Variants in CDC42BPB observed in about 807,000 individuals in gnomAD.
The protein encoded by CDC42BPB is serine/threonine-protein kinase MRCK beta.
In CDC42BPB, 37 loss-of-function variants were observed where a neutral mutation model predicts 214.9. The ratio of observed to expected loss-of-function variants is 0.17; its 90% confidence interval spans 0.13 to 0.23. The LOEUF is 0.23. Ranked by LOEUF, CDC42BPB falls within the 10% of genes least tolerant of loss-of-function variation. The pLI is 1.00. For missense variants in CDC42BPB, 1,694 were observed against 2,227.0 expected, an observed-to-expected ratio of 0.76 and a Z score of 4.82; for synonymous variants, 931 against 884.0, an observed-to-expected ratio of 1.05 and a Z score of -0.94.
At chr14:103,003,543 G>A (rs574005601) in intron 4 of CDC42BPB, among the ~76,000 whole-genome samples, 6 of 152,344 alleles carry the variant, frequency 3.9e-5, no homozygotes, top group Admixed American at 1.3e-4. Flanking sequence ...GCAGGCCCAC[G>A]AGAGGCACTC....
At chr14:102,962,433 G>A (rs376529289) in intron 20 of CDC42BPB, among the ~76,000 whole-genome samples, 12 of 152,236 alleles carry the variant, frequency 7.9e-5, no homozygotes, top group African/African-American at 1.9e-4. Context: ...CCACGGCAGC[G>A]CACAGTGCAG....
Position 102,980,959 on chromosome 14 carries a change from C to T in CDC42BPB, c.954G>A (p.Gln318=), listed in dbSNP as rs778365484. Residue 318 remains glutamine, a synonymous_variant, in exon 8 of 37, where the codon CAG becomes CAA. Transcript: ENST00000361246. ...GGCGTTCTCTACTGCAGATCAGTCT[C>T]TGGATGAGGTCCTTCGCTTCTTCAG... ...DVSEEAKDLI[Q]RLICSRERRL... The T allele has an allele frequency of 1.4e-5, 23 of 1,614,070 alleles. 2 individuals are homozygous for T. The South Asian group carries it at 2.0e-4, about 14-fold the overall frequency.
At chr14:103,051,621 C>A (rs1566928805) in intron 1 of CDC42BPB, among the ~76,000 whole-genome samples, 1 of 152,172 alleles carries the variant, frequency 6.6e-6, no homozygotes. Flanking sequence ...AGCAGAGGAG[C>A]TCTCTGTCAA....
intron 5 of CDC42BPB, among the ~76,000 whole-genome samples, chr14:102,997,525 G>A (rs1894795922): frequency 6.6e-6 from 1 of 152,174 alleles, no homozygotes; most frequent in Non-Finnish European, 1.5e-5. Flanking sequence ...AATGAGTGCA[G>A]CACAGGACAA....
intron 24 of CDC42BPB, chr14:102,950,820 GC>G: frequency 2.9e-6 from 1 of 341,036 alleles, no homozygotes; most frequent in Non-Finnish European, 4.1e-6. Flanking sequence ...ACAAAAATTA[GC>G]CAGGGGTGGT....
intron 5 of CDC42BPB, chr14:102,986,782 CCA>C: frequency 1.0e-6 from 1 of 957,510 alleles, no homozygotes; most frequent in South Asian, 4.8e-5. Flanking sequence ...CGTTTAGTCC[CCA>C]GTTACCCTGG....
At chr14:102,961,311 A>G in intron 20 of CDC42BPB, among the ~76,000 whole-genome samples, 1 of 151,980 alleles carries the variant, frequency 6.6e-6, no homozygotes, top group Non-Finnish European at 1.5e-5. Context: ...AAAACTTGAC[A>G]CACAAAAAAT....
At chr14:102,965,037 T>C (rs565767957) in intron 18 of CDC42BPB, among the ~76,000 whole-genome samples, 1 of 152,264 alleles carries the variant, frequency 6.6e-6, no homozygotes, top group South Asian at 2.1e-4. Flanking sequence ...GCGATTTTCC[T>C]GTCTCAGCCT....
chr14:102,996,200 C>T (rs569375814), intron 5 of CDC42BPB, among the ~76,000 whole-genome samples: 4 of 152,056 alleles, frequency 2.6e-5, no homozygotes, highest in East Asian at 2.0e-4. Context: ...ATTAGCTGGG[C>T]GTGGTGGTGG....
At chr14:102,937,621 G>T (rs1419476257) in intron 36 of CDC42BPB, among the ~76,000 whole-genome samples, 1 of 152,216 alleles carries the variant, frequency 6.6e-6, no homozygotes, top group Admixed American at 6.5e-5. Context: ...TCCGCACAGG[G>T]GAAACTGAGG....
intron 1 of CDC42BPB, among the ~76,000 whole-genome samples, chr14:103,038,284 G>A (rs557082433): frequency 6.7e-6 from 1 of 150,284 alleles, no homozygotes; most frequent in African/African-American, 2.5e-5. Flanking sequence ...CTTGCAGTGA[G>A]CCGAGATCAC....
intron 24 of CDC42BPB, among the ~76,000 whole-genome samples, chr14:102,951,340 G>A (rs186887653): frequency 4.6e-5 from 7 of 152,226 alleles, no homozygotes; most frequent in African/African-American, 9.6e-5. Flanking sequence ...TCAGGAAGGC[G>A]TGAGTGCTCA....
Position 102,946,473 on chromosome 14 carries a change from A to G in CDC42BPB, c.3743T>C (p.Ile1248Thr), listed in dbSNP as rs767517705. The change falls in exon 28 of 37, where the codon ATC becomes ACC. Residue 1248 changes from isoleucine to threonine, a missense_variant. By Grantham distance (89) the Ile-to-Thr change is moderately conservative (BLOSUM62 -1). This residue lies in a region of CDC42BPB where 567 missense variants were observed against 790.3 expected (regional missense o/e 0.72). Coordinates refer to ENST00000361246, the MANE Select transcript of CDC42BPB (RefSeq NM_006035.4). ...ACACAACCTTTGGGACGTACCCACG[A>G]TGGCAGCTGTCAGGATGGCCTTGAT... ...PLIKAILTAA[I>T]VDADRIAVGL... is the part of the protein sequence containing the mutation. 8 of 1,612,658 alleles carry G rather than the reference A, an allele frequency of 5.0e-6. No individual in the cohort carries two copies. Among genetic ancestry groups the G allele is most frequent in the South Asian group, 1.1e-5 (1 of 91,070 alleles).
At chr14:103,008,699 T>C in intron 2 of CDC42BPB, 144 bp from the exon 3 acceptor site, 1 of 1,449,654 alleles carries the variant, frequency 6.9e-7, no homozygotes, top group African/African-American at 1.4e-5. Flanking sequence ...ACCTAGCATG[T>C]GCCAGTTCCT....
At chr14:102,939,037 T>C (rs927686445) in intron 34 of CDC42BPB, among the ~76,000 whole-genome samples, 12 of 151,036 alleles carry the variant, frequency 7.9e-5, no homozygotes, top group African/African-American at 2.4e-4. Context: ...CCCGGGTTCA[T>C]GCCATTCTCC....
chr14:102,985,867 C>G (rs542534784), intron 6 of CDC42BPB, among the ~76,000 whole-genome samples: 1 of 152,266 alleles, frequency 6.6e-6, no homozygotes, highest in Non-Finnish European at 1.5e-5. Context: ...GGACTGCCCC[C>G]ATCAGGCTAC....
intron 1 of CDC42BPB, among the ~76,000 whole-genome samples, chr14:103,017,570 G>A (rs1201694310): frequency 6.6e-6 from 1 of 152,016 alleles, no homozygotes; most frequent in African/African-American, 2.4e-5. Context: ...AGGACACGAG[G>A]GGGAAACCAT....
chr14:103,004,710 A>C lies in CDC42BPB; in HGVS notation c.352-687T>G, dbSNP rs1029210684. ...TGATGAAACCCTGTCTCTACTAAAAACTAGAAAAACTAGCCAGGTGTGGTG... is the reference window on the plus strand; with the variant it reads ...TGATGAAACCCTGTCTCTACTAAAACCTAGAAAAACTAGCCAGGTGTGGTG... On this transcript the variant is annotated intron_variant, in intron 3 of 36. Coordinates refer to ENST00000361246, the MANE Select transcript of CDC42BPB (RefSeq NM_006035.4). This position sits in a 1 kb window ranked among gnomAD's most constrained non-coding sequence, Gnocchi z 5.3. Among the ~76,000 whole-genome samples, 1 of 152,044 alleles carries C rather than the reference A, an allele frequency of 6.6e-6. No individual in the cohort carries two copies. Among genetic ancestry groups the C allele is most frequent in the Non-Finnish European group, 1.5e-5 (1 of 68,002 alleles).
intron 9 of CDC42BPB, among the ~76,000 whole-genome samples, chr14:102,977,552 A>G (rs530264168): frequency 3.6e-4 from 55 of 152,034 alleles, no homozygotes; most frequent in Non-Finnish European, 6.9e-4. Context: ...AGGCGACACA[A>G]CTTTGCAAAG....
Sources: allele counts gnomAD v4.1 joint callset (sites outside exome capture counted in the v4.1 genomes callset), GRCh38; gene constraint gnomAD v4.1.1; regional missense constraint gnomAD v4.1.1; non-coding constraint Gnocchi (gnomAD v3.1); transcripts MANE v1.5; gene names NCBI Gene and HGNC (gene_info 2026-07-23, HGNC 2026-07-21).